The following DLGAP2 variants were observed in gnomAD, a reference collection of about 807,000 sequenced individuals.
The protein encoded by DLGAP2 is disks large-associated protein 2.
DLGAP2 carries 26 observed loss-of-function variants against 100.3 expected under a neutral mutation model. That is an observed-to-expected ratio of 0.26 (90% CI 0.19 to 0.36). DLGAP2 has a LOEUF of 0.36. Among genes scored for constraint, DLGAP2 ranks in the 10% least tolerant of loss-of-function variants. The probability of loss-of-function intolerance (pLI) is 1.00; values close to 1 mark genes in which losing one functional copy is unlikely to be tolerated. For missense variants in DLGAP2, 1,858 were observed against 1,453.2 expected, an observed-to-expected ratio of 1.28 and a Z score of -4.53; for synonymous variants, 886 against 630.1, an observed-to-expected ratio of 1.41 and a Z score of -6.08.
intron 2 of DLGAP2, among the ~76,000 whole-genome samples, chr8:1,028,226 C>A (rs555894458): frequency 7.5e-6 from 1 of 132,704 alleles, no homozygotes; most frequent in Non-Finnish European, 1.6e-5. Context: ...GGGTGTCAGG[C>A]GCCCGTTATT....
rs1796464626 is a variant in DLGAP2 at position 1,138,579 on chromosome 8, T to C, written c.74-120272T>C. 2.6e-5 allele frequency among the ~76,000 whole-genome samples: 4 copies of C among 152,328 alleles called. No individual in the cohort carries two copies. The South Asian group carries it at 8.3e-4, about 32-fold the overall frequency. On this transcript the variant is annotated intron_variant, in intron 2 of 14. Coordinates refer to ENST00000637795, the MANE Select transcript of DLGAP2 (RefSeq NM_001346810.2). ...GCCCATTAGAAACACGAGAAGACAC[T>C]GAGAAGTTCAAGTGCGAATAAAGTG...
At chr8:1,164,110 G>GA (rs1203884988) in intron 2 of DLGAP2, among the ~76,000 whole-genome samples, 1 of 101,380 alleles carries the variant, frequency 9.9e-6, no homozygotes, top group Non-Finnish European at 2.4e-5. Context: ...ATTTTTCTGT[G>GA]AGCCCGCAGG....
In DLGAP2 at chr8:1,135,584, C is replaced by T. The variant is rs138808635; in HGVS notation, c.74-123267C>T. ...AAGGGGCATGCGGTCTTTCAGGAGACGGAGCGTGGCACACCTAAGGGGAAC... is the reference window on the plus strand; with the variant it reads ...AAGGGGCATGCGGTCTTTCAGGAGATGGAGCGTGGCACACCTAAGGGGAAC... On this transcript the variant is annotated intron_variant, in intron 2 of 14. Coordinates refer to ENST00000637795, the MANE Select transcript of DLGAP2 (RefSeq NM_001346810.2). Among the ~76,000 whole-genome samples, 873 of 125,006 alleles carry T rather than the reference C, an allele frequency of 7.0e-3. 3 individuals carry two copies. Among genetic ancestry groups the T allele is most frequent in the African/African-American group, 8.7e-3 (295 of 33,762 alleles). 82.0% of individuals were successfully genotyped at this position (125,006 alleles called of 152,430 possible).
At chr8:1,417,331 C>T (rs1193283491) in intron 3 of DLGAP2, among the ~76,000 whole-genome samples, 4 of 151,850 alleles carry the variant, frequency 2.6e-5, no homozygotes, top group African/African-American at 9.7e-5. Context: ...TCGACAGCAT[C>T]TCACCGCATG....
At chr8:1,036,986 G>A (rs1053051873) in intron 2 of DLGAP2, among the ~76,000 whole-genome samples, 1 of 152,076 alleles carries the variant, frequency 6.6e-6, no homozygotes, top group African/African-American at 2.4e-5. Context: ...AGGGGCCGTG[G>A]AGCCTCCTGA....
At chr8:1,294,611 T>G (rs747526631) in intron 3 of DLGAP2, among the ~76,000 whole-genome samples, 10 of 152,222 alleles carry the variant, frequency 6.6e-5, no homozygotes, top group Non-Finnish European at 1.3e-4. Flanking sequence ...AATTTTAAAA[T>G]TAAGAGTACA....
At chr8:1,374,099 G>A (rs9773531) in intron 3 of DLGAP2, among the ~76,000 whole-genome samples, 43,787 of 136,244 alleles carry the variant, frequency 0.32, 7,496 homozygotes, top group East Asian at 0.48. Context: ...GGTTAGGTTT[G>A]CAGAGGACTG....
At chr8:931,548 A>T (rs899080775) in intron 2 of DLGAP2, among the ~76,000 whole-genome samples, 1 of 152,130 alleles carries the variant, frequency 6.6e-6, no homozygotes, top group Non-Finnish European at 1.5e-5. Context: ...ACTTGTCATG[A>T]TGTTCTTCCT....
At chr8:837,664 A>ATGTG (rs34602128) in intron 1 of DLGAP2, among the ~76,000 whole-genome samples, 33,973 of 145,898 alleles carry the variant, frequency 0.23, 4,255 homozygotes, top group Non-Finnish European at 0.29. Flanking sequence ...GTTTGTGTGT[A>ATGTG]TGTGTGTGTG....
intron 2 of DLGAP2, among the ~76,000 whole-genome samples, chr8:1,058,867 C>G (rs1260322950): frequency 6.6e-6 from 1 of 152,196 alleles, no homozygotes; most frequent in Non-Finnish European, 1.5e-5. Flanking sequence ...TGTGCGTGCT[C>G]GTTGCCCTTG....
At chr8:867,427 T>TCA (rs574363052) in intron 1 of DLGAP2, among the ~76,000 whole-genome samples, 19 of 152,334 alleles carry the variant, frequency 1.2e-4, no homozygotes, top group Admixed American at 3.9e-4. Flanking sequence ...AGAAGGTCCT[T>TCA]CAGAGGGTTC....
intron 6 of DLGAP2, among the ~76,000 whole-genome samples, chr8:1,592,180 G>T (rs989540273): frequency 6.6e-6 from 1 of 152,146 alleles, no homozygotes; most frequent in African/African-American, 2.4e-5. Flanking sequence ...TCTCCTGGCC[G>T]CAGCTCTCCA....
intron 4 of DLGAP2, among the ~76,000 whole-genome samples, chr8:1,506,597 CG>C (rs547388820): frequency 1.6e-3 from 251 of 152,194 alleles, no homozygotes; most frequent in Middle Eastern, 6.8e-3. Context: ...CTGCCCAAGA[CG>C]ATCTCAGCAG....
chr8:890,854 G>A (rs1287348455), intron 1 of DLGAP2, among the ~76,000 whole-genome samples: 1 of 152,142 alleles, frequency 6.6e-6, no homozygotes, highest in African/African-American at 2.4e-5. Flanking sequence ...AAACTCTAGG[G>A]CATGACAACC....
chr8:1,203,280 G>A (rs113779643), intron 2 of DLGAP2, among the ~76,000 whole-genome samples: 9 of 149,168 alleles, frequency 6.0e-5, no homozygotes, highest in African/African-American at 1.7e-4. Context: ...TGATGAGGCC[G>A]CCCACCCCTC....
intron 1 of DLGAP2, chr8:891,279 A>T (rs1169576705): frequency 1.3e-5 from 2 of 152,324 alleles, no homozygotes; most frequent in African/African-American, 2.4e-5. Flanking sequence ...TTTCATCTTA[A>T]TTTTGAGAAA....
chr8:1,009,050 G>A (rs993824116), intron 2 of DLGAP2, among the ~76,000 whole-genome samples: 1 of 152,216 alleles, frequency 6.6e-6, no homozygotes, highest in East Asian at 1.9e-4. Context: ...GCAAAAGCTG[G>A]GTGGGGGCCC....
Position 1,003,809 on chromosome 8 carries a change from G to A in DLGAP2, c.73+95843G>A, listed in dbSNP as rs141162413. On this transcript the variant is annotated intron_variant, in intron 2 of 14. Coordinates refer to ENST00000637795, the MANE Select transcript of DLGAP2 (RefSeq NM_001346810.2). ...CCCCCATACCCCAGAATGGTGGCTC[G>A]GCCCTAAGTGGGAACCATTGAGTTA... Among the ~76,000 whole-genome samples the A allele has an allele frequency of 1.6e-3, 247 of 152,260 alleles. 1 individual carries two copies. The highest frequency in any genetic ancestry group is 5.4e-3 in the African/African-American group (226 of 41,548).
chr8:760,518 A>G (rs1262468733), intron 1 of DLGAP2, among the ~76,000 whole-genome samples: 7 of 152,328 alleles, frequency 4.6e-5, no homozygotes, highest in Admixed American at 4.6e-4. Context: ...TTGGTTGGGT[A>G]TAGAATTCTG....
Sources: gnomAD v4.1 joint callset for allele counts (sites outside exome capture counted in the v4.1 genomes callset) on GRCh38, gnomAD v4.1.1 for gene constraint, MANE v1.5 for transcripts, NCBI Gene and HGNC (gene_info 2026-07-23, HGNC 2026-07-21) for gene names.